DPP6: variants seen among roughly 807,000 people sequenced by gnomAD.
DPP6 encodes A-type potassium channel modulatory protein DPP6.
In DPP6, 69 loss-of-function variants were observed where a neutral mutation model predicts 122.6. The observed-to-expected ratio is 0.56, with a 90% CI of 0.46 to 0.69. DPP6 has a LOEUF of 0.69. Ranked by LOEUF, DPP6 falls within the 30% of genes least tolerant of loss-of-function variation. DPP6 has a pLI of 0.00. For synonymous variants in DPP6, 418 were observed against 433.1 expected, an observed-to-expected ratio of 0.97 and a Z score of 0.43; for missense variants, 928 against 1,116.9, an observed-to-expected ratio of 0.83 and a Z score of 2.41.
the DPP6 span, among the ~76,000 whole-genome samples, chr7:153,767,266 A>C: frequency 3.3e-5 from 5 of 152,198 alleles, no homozygotes; most frequent in East Asian, 9.6e-4. Context: ...ATTTTAAGAG[A>C]CAAATTGTGT....
upstream of DPP6, among the ~76,000 whole-genome samples, chr7:154,047,825 T>C (rs1291723891): frequency 6.6e-6 from 1 of 150,466 alleles, no homozygotes; most frequent in African/African-American, 2.5e-5. Context: ...TGAAGAAAGG[T>C]AGTTAGAAAG....
intron 12 of DPP6, among the ~76,000 whole-genome samples, chr7:154,799,148 T>C (rs924912656): frequency 2.0e-5 from 3 of 152,150 alleles, no homozygotes; most frequent in Non-Finnish European, 4.4e-5. Context: ...AAGGACCCGG[T>C]GCAAGAACAG....
At chr7:153,850,367 T>G in the DPP6 span, among the ~76,000 whole-genome samples, 6 of 152,190 alleles carry the variant, frequency 3.9e-5, no homozygotes, top group Non-Finnish European at 5.9e-5. Flanking sequence ...ATGTGGGCTC[T>G]CTGTATGACA....
chr7:154,214,044 G>A (rs62484080), intron 1 of DPP6, among the ~76,000 whole-genome samples: 20,761 of 152,134 alleles, frequency 0.14, 2,854 homozygotes, highest in African/African-American at 0.35. Context: ...CAGTTCTTAG[G>A]AAACATGAAG....
intron 1 of DPP6, among the ~76,000 whole-genome samples, chr7:154,376,473 G>C (rs1357933684): frequency 6.6e-6 from 1 of 152,190 alleles, no homozygotes; most frequent in Non-Finnish European, 1.5e-5. Context: ...AAAGTGAGAA[G>C]AGTTGTTTTT....
In DPP6 at chr7:154,875,881, G is replaced by T. The variant is rs767735667; in HGVS notation, c.1884-25G>T. Reference sequence around the variant, plus strand: ...CCGCCACCCACCACGCAGCAGGCCTGCTGAGCCCGGGATTCTCTTTCCAGG... The same window carrying T: ...CCGCCACCCACCACGCAGCAGGCCTTCTGAGCCCGGGATTCTCTTTCCAGG... On this transcript the variant is annotated intron_variant, in intron 19 of 25. Transcript: ENST00000377770. The surrounding 1 kb of genome is among the most constrained non-coding windows in gnomAD (Gnocchi z 4.5). The T allele has an allele frequency of 1.1e-5, 18 of 1,591,538 alleles. 1 individual carries two copies. The South Asian group carries it at 1.5e-4, about 13-fold the overall frequency.
At chr7:154,511,017 G>GTATGC (rs1826050971) in intron 3 of DPP6, among the ~76,000 whole-genome samples, 2 of 151,634 alleles carry the variant, frequency 1.3e-5, no homozygotes, top group African/African-American at 4.8e-5. Context: ...CGTGGAGGAG[G>GTATGC]TATGCAGGAT....
the DPP6 span, among the ~76,000 whole-genome samples, chr7:153,779,923 G>A: frequency 6.6e-6 from 1 of 151,902 alleles, no homozygotes; most frequent in Middle Eastern, 3.4e-3. Context: ...ATACATGAAG[G>A]ATATGTACGA....
At chr7:154,197,239 T>C (rs7803145) in intron 1 of DPP6, among the ~76,000 whole-genome samples, 99,548 of 150,920 alleles carry the variant, frequency 0.66, 36,717 homozygotes, top group Non-Finnish European at 0.82. Flanking sequence ...AAGCAGAAGA[T>C]ATGTAAAGCT....
intron 1 of DPP6, among the ~76,000 whole-genome samples, chr7:153,908,504 G>A (rs1279268070): frequency 6.6e-6 from 1 of 152,152 alleles, no homozygotes; most frequent in Non-Finnish European, 1.5e-5. Context: ...AGTATAAAAA[G>A]AATGGTAATT....
At chr7:154,253,022 G>C (rs1316735252) in intron 1 of DPP6, among the ~76,000 whole-genome samples, 1 of 152,184 alleles carries the variant, frequency 6.6e-6, no homozygotes, top group Non-Finnish European at 1.5e-5. Context: ...GGAAAGAAGG[G>C]CTGCCTGTAA....
At chr7:153,812,819 C>A in the DPP6 span, among the ~76,000 whole-genome samples, 1 of 151,996 alleles carries the variant, frequency 6.6e-6, no homozygotes, top group Non-Finnish European at 1.5e-5. Context: ...CAACAAATCG[C>A]CCTATGTAAT....
intron 1 of DPP6, among the ~76,000 whole-genome samples, chr7:154,372,278 C>T (rs1236931766): frequency 2.0e-5 from 3 of 152,180 alleles, no homozygotes. Context: ...GAGTCATCTT[C>T]CTCGGGGAGT....
intron 16 of DPP6, among the ~76,000 whole-genome samples, chr7:154,826,787 G>T (rs1425937578): frequency 6.6e-6 from 1 of 152,186 alleles, no homozygotes; most frequent in African/African-American, 2.4e-5. Context: ...TCATCCATGT[G>T]CTTAAAATAG....
chr7:154,148,688 T>C (rs1160547993), intron 1 of DPP6, among the ~76,000 whole-genome samples: 1 of 152,304 alleles, frequency 6.6e-6, no homozygotes. Context: ...ATTTAATTTA[T>C]TTGAAATTTC....
the DPP6 span, among the ~76,000 whole-genome samples, chr7:153,843,276 GCGCGCA>G: frequency 6.8e-6 from 1 of 147,386 alleles, no homozygotes; most frequent in Non-Finnish European, 1.5e-5. Flanking sequence ...ACGCATGCGC[GCGCGCA>G]CACACACACA....
chr7:154,637,046 G>T (rs1835772431), intron 5 of DPP6, among the ~76,000 whole-genome samples: 1 of 152,150 alleles, frequency 6.6e-6, no homozygotes, highest in African/African-American at 2.4e-5. Flanking sequence ...TACCCAGGAG[G>T]CTGGCGATGA....
At chr7:153,898,280 C>T (rs1799493190) in intron 1 of DPP6, among the ~76,000 whole-genome samples, 1 of 152,010 alleles carries the variant, frequency 6.6e-6, no homozygotes, top group Non-Finnish European at 1.5e-5. Flanking sequence ...CAACAAGACG[C>T]CATCTCTAAA....
At chr7:154,418,618 A>G (rs1817218692) in intron 1 of DPP6, among the ~76,000 whole-genome samples, 2 of 152,234 alleles carry the variant, frequency 1.3e-5, no homozygotes, top group South Asian at 4.1e-4. Context: ...AGGGTAGGAA[A>G]TAACAGTGAC....
Sources: allele counts gnomAD v4.1 joint callset (sites outside exome capture counted in the v4.1 genomes callset), GRCh38; gene constraint gnomAD v4.1.1; non-coding constraint Gnocchi (gnomAD v3.1); transcripts MANE v1.5; gene names NCBI Gene and HGNC (gene_info 2026-07-23, HGNC 2026-07-21).